The following CA8 variants were observed in gnomAD, a reference collection of about 807,000 sequenced individuals.
The protein encoded by CA8 is carbonic anhydrase-related protein.
In CA8, 22 loss-of-function variants were observed where a neutral mutation model predicts 41.4. The ratio of observed to expected loss-of-function variants is 0.53; its 90% CI spans 0.38 to 0.76. The LOEUF is 0.76. CA8 is among the 30% of genes least tolerant of loss of function. The pLI is 0.00. For synonymous variants in CA8, 121 were observed against 130.6 expected (o/e 0.93, Z 0.50); for missense variants, 270 against 352.8 (o/e 0.77, Z 1.88).
chr8:60,198,639 C>T (rs1312619386), intron 8 of CA8, among the ~76,000 whole-genome samples: 1 of 152,080 alleles, frequency 6.6e-6, no homozygotes, highest in Non-Finnish European at 1.5e-5. Context: ...ATTGAATGCA[C>T]ATATTATACA....
intron 4 of CA8, among the ~76,000 whole-genome samples, chr8:60,230,790 G>T (rs1215332833): frequency 6.6e-6 from 1 of 152,188 alleles, no homozygotes; most frequent in Non-Finnish European, 1.5e-5. Context: ...ACTCGCAGTA[G>T]TTCTAAGGGG....
At chr8:60,245,267 G>C (rs868615617) in intron 3 of CA8, among the ~76,000 whole-genome samples, 1 of 151,088 alleles carries the variant, frequency 6.6e-6, no homozygotes, top group Admixed American at 6.6e-5. Context: ...CATGTAACCA[G>C]AATTCTACCA....
intron 4 of CA8, among the ~76,000 whole-genome samples, chr8:60,229,373 T>G (rs889097398): frequency 6.6e-6 from 1 of 152,148 alleles, no homozygotes; most frequent in Non-Finnish European, 1.5e-5. Flanking sequence ...CCATGGTCAG[T>G]GCACTCTTGC....
chr8:60,232,306 G>A lies in CA8; in HGVS notation c.491C>T (p.Ala164Val). Residue 164 changes from alanine to valine, a missense_variant, in exon 4 of 9, where the codon GCC becomes GTC. Physicochemically the swap from Ala to Val is moderately conservative, Grantham distance 64 (BLOSUM62 0). This residue lies in a region of CA8 where 141 missense variants were observed against 191.6 expected (regional missense o/e 0.74). Transcript: ENST00000317995. ...DEAVGKPHGI[A>V]IIALFVQIGK... is the part of the protein sequence containing the mutation. ...TACCTGAACAAACAGAGCAATGATG[G>A]CGATTCCGTGCGGCTTCCCCACAGC... 1 of 1,613,500 alleles carries A rather than the reference G, an allele frequency of 6.2e-7. No individual in the cohort carries two copies. The highest frequency in any genetic ancestry group is 8.5e-7 in the Non-Finnish European group (1 of 1,179,436).
At chr8:60,253,946 C>T (rs1054478692) in intron 3 of CA8, among the ~76,000 whole-genome samples, 1 of 152,156 alleles carries the variant, frequency 6.6e-6, no homozygotes, top group Non-Finnish European at 1.5e-5. Context: ...TTGAATAGGC[C>T]TGCCACACCA....
intron 8 of CA8, among the ~76,000 whole-genome samples, chr8:60,198,666 G>A (rs1019783657): frequency 6.6e-5 from 10 of 152,046 alleles, no homozygotes; most frequent in African/African-American, 2.4e-4. Flanking sequence ...ACTAGTTCGA[G>A]CTTAATGTTT....
chr8:60,267,884 C>G (rs779261616), intron 2 of CA8, among the ~76,000 whole-genome samples: 1 of 152,144 alleles, frequency 6.6e-6, no homozygotes, highest in Non-Finnish European at 1.5e-5. Flanking sequence ...AGTGCAAGCT[C>G]ACTTCACCTT....
intron 6 of CA8, 150 bp downstream of exon 6, chr8:60,224,387 G>A: frequency 1.7e-6 from 1 of 600,396 alleles, no homozygotes; most frequent in Non-Finnish European, 3.0e-6. Context: ...TCCATATTTA[G>A]AGTAATCTGG....
At chr8:60,247,398 C>T (rs1465665544) in intron 3 of CA8, among the ~76,000 whole-genome samples, 1 of 152,060 alleles carries the variant, frequency 6.6e-6, no homozygotes, top group Non-Finnish European at 1.5e-5. Flanking sequence ...TAACTCTCTC[C>T]CTCCCCTTCC....
At chr8:60,195,611 G>A (rs1806259289) in intron 8 of CA8, among the ~76,000 whole-genome samples, 1 of 152,120 alleles carries the variant, frequency 6.6e-6, no homozygotes, top group African/African-American at 2.4e-5. Context: ...TACACTAGTG[G>A]AACACTTCCT....
At chr8:60,200,978 G>A (rs151150959) in intron 8 of CA8, among the ~76,000 whole-genome samples, 92 of 152,272 alleles carry the variant, frequency 6.0e-4, no homozygotes, top group Middle Eastern at 3.4e-3. Flanking sequence ...TCTTGCAACA[G>A]TCATGAGGAG....
At chr8:60,228,784 T>C (rs768364448) in intron 4 of CA8, among the ~76,000 whole-genome samples, 1 of 152,220 alleles carries the variant, frequency 6.6e-6, no homozygotes, top group Non-Finnish European at 1.5e-5. Context: ...ATATAGTTTT[T>C]CCATATAGTA....
At chr8:60,205,503 T>C (rs953029200) in intron 8 of CA8, among the ~76,000 whole-genome samples, 2 of 152,174 alleles carry the variant, frequency 1.3e-5, no homozygotes, top group Admixed American at 6.5e-5. Context: ...TTAAAATACA[T>C]TTAGTTCTCC....
At chr8:60,256,819 C>A (rs1477552706) in intron 3 of CA8, among the ~76,000 whole-genome samples, 1 of 151,868 alleles carries the variant, frequency 6.6e-6, no homozygotes, top group Non-Finnish European at 1.5e-5. Context: ...GGAAAAATGA[C>A]CTGGAAATGT....
intron 7 of CA8, among the ~76,000 whole-genome samples, chr8:60,211,058 C>A (rs1451831505): frequency 6.6e-6 from 1 of 152,182 alleles, no homozygotes; most frequent in African/African-American, 2.4e-5. Context: ...AAGGCCAATT[C>A]TTGTCGTGCT....
At chr8:60,233,502 G>A (rs1181109179) in intron 3 of CA8, among the ~76,000 whole-genome samples, 2 of 152,220 alleles carry the variant, frequency 1.3e-5, no homozygotes, top group Non-Finnish European at 2.9e-5. Flanking sequence ...GTCAGGCTGT[G>A]AGGCTGTGAA....
At chr8:60,203,303 CTGAAGGTCAGG>C (rs1806486570) in intron 8 of CA8, among the ~76,000 whole-genome samples, 2 of 152,082 alleles carry the variant, frequency 1.3e-5, no homozygotes, top group Admixed American at 6.6e-5. Context: ...AAATAGAAAA[CTGAAGGTCAGG>C]TAAAATTTTA....
intron 8 of CA8, among the ~76,000 whole-genome samples, chr8:60,190,934 C>A (rs1465737064): frequency 1.4e-5 from 1 of 73,390 alleles, no homozygotes; most frequent in Non-Finnish European, 2.8e-5. Flanking sequence ...TGCACACACA[C>A]ACACTATATA....
chr8:60,254,080 C>T (rs1808540047), intron 3 of CA8, among the ~76,000 whole-genome samples: 1 of 152,192 alleles, frequency 6.6e-6, no homozygotes, highest in Non-Finnish European at 1.5e-5. Context: ...GTCACTTAAC[C>T]CTTTAATCGT....
Sources: allele counts gnomAD v4.1 joint callset (sites outside exome capture counted in the v4.1 genomes callset), GRCh38; gene constraint gnomAD v4.1.1; regional missense constraint gnomAD v4.1.1; transcripts MANE v1.5; gene names NCBI Gene and HGNC (gene_info 2026-07-23, HGNC 2026-07-21).